The following TGFB1 variants were observed in gnomAD, a reference collection of about 807,000 sequenced individuals.
TGFB1 encodes the protein transforming growth factor beta 1.
TGFB1 carries 19 observed loss-of-function variants against 43.8 expected under a neutral mutation model. That is an observed-to-expected ratio of 0.43 (90% CI 0.30 to 0.64). TGFB1 has a LOEUF of 0.64. Ranked by LOEUF, TGFB1 falls within the 30% of genes least tolerant of loss-of-function variation. The probability of loss-of-function intolerance (pLI) is 0.11; values close to 1 mark genes in which losing one functional copy is unlikely to be tolerated. For synonymous variants in TGFB1, 221 were observed against 236.3 expected, an observed-to-expected ratio of 0.94 and a Z score of 0.60; for missense variants, 445 against 529.8, an observed-to-expected ratio of 0.84 and a Z score of 1.57.
At chr19:41,336,105 C>T (rs2037985777) in intron 5 of TGFB1, among the ~76,000 whole-genome samples, 1 of 149,386 alleles carries the variant, frequency 6.7e-6, no homozygotes, top group Non-Finnish European at 1.5e-5. Context: ...AAGCAATTCT[C>T]CTGGCTCAGC....
chr19:41,349,581 AC>A (rs1242148772), intron 1 of TGFB1, among the ~76,000 whole-genome samples: 1 of 151,958 alleles, frequency 6.6e-6, no homozygotes, highest in Admixed American at 6.6e-5. Flanking sequence ...ACATGGTGAA[AC>A]CCCGTTTCTA....
chr19:41,344,579 A>G (rs1206106710), intron 3 of TGFB1, among the ~76,000 whole-genome samples, 168 bp downstream of exon 3: 2 of 152,186 alleles, frequency 1.3e-5, no homozygotes, highest in African/African-American at 4.8e-5. Context: ...GGTGCTCAGG[A>G]AACAGATTAG....
chr19:41,332,877 AT>A (rs1184177706), intron 5 of TGFB1, among the ~76,000 whole-genome samples: 4 of 151,828 alleles, frequency 2.6e-5, no homozygotes, highest in East Asian at 1.9e-4. Flanking sequence ...TCTCTACAAA[AT>A]TTTTTTTCAA....
intron 5 of TGFB1, 118 bp downstream of exon 5, chr19:41,341,765 G>A: frequency 7.4e-7 from 1 of 1,351,470 alleles, no homozygotes; most frequent in Non-Finnish European, 1.0e-6. Context: ...CAAGCTAAAG[G>A]AGACAGATGC....
At chr19:41,340,344 C>T (rs1397753787) in intron 5 of TGFB1, among the ~76,000 whole-genome samples, 4 of 151,272 alleles carry the variant, frequency 2.6e-5, no homozygotes, top group East Asian at 3.9e-4. Context: ...GCAACCTCCA[C>T]CCCCGAGGTT....
chr19:41,336,466 C>T (rs970286715), intron 5 of TGFB1, among the ~76,000 whole-genome samples: 1 of 151,726 alleles, frequency 6.6e-6, no homozygotes, highest in African/African-American at 2.4e-5. Context: ...CTCACTGTGG[C>T]CTCCAGCTCC....
chr19:41,332,101 T>C, intron 6 of TGFB1, 27 bp downstream of exon 6: 4 of 1,600,416 alleles, frequency 2.5e-6, no homozygotes, highest in Non-Finnish European at 3.4e-6. Flanking sequence ...CCCAAGCGCA[T>C]CTCGTAGCCC....
chr19:41,338,198 A>G (rs2038010266), intron 5 of TGFB1, among the ~76,000 whole-genome samples: 1 of 151,506 alleles, frequency 6.6e-6, no homozygotes, highest in Non-Finnish European at 1.5e-5. Context: ...TCTCAAAAAA[A>G]AAAACAAAGA....
Position 41,344,795 on chromosome 19 carries a change from A to T in TGFB1, c.586T>A (p.Leu196Ile), listed in dbSNP as rs1372870425. The T allele has an allele frequency of 6.2e-7, 1 of 1,613,594 alleles. No homozygotes were observed. The highest frequency in any genetic ancestry group is 8.5e-7 in the Non-Finnish European group (1 of 1,179,876). ...LLAPSDSPEW[L>I]SFDVTGVVRQ... ...ACAACTCCGGTGACATCAAAAGATA[A>T]CCACTCTGGCGAGTCGCTGGGTGCC... Residue 196 changes from leucine (L) to isoleucine (I), a missense_variant, in exon 3 of 7, where the codon TTA becomes ATA. Leu to Ile is a conservative substitution (Grantham distance 5). Coordinates refer to ENST00000221930, the MANE Select transcript of TGFB1 (RefSeq NM_000660.7).
At chr19:41,348,216 C>G in intron 2 of TGFB1, 79 bp downstream of exon 2, 1 of 1,564,950 alleles carries the variant, frequency 6.4e-7, no homozygotes, top group South Asian at 1.1e-5. Flanking sequence ...TGTAACCAGC[C>G]GACCCACAGC....
rs2241717 is a variant in TGFB1, at chr19:41,348,147, C to A, written c.516+148G>T. The A allele has an allele frequency of 0.55, 402,851 of 732,912 alleles. 120,924 individuals are homozygous for A. The highest frequency in any genetic ancestry group is 0.78 in the African/African-American group (42,602 of 54,726). 45.4% of individuals were successfully genotyped at this position (732,912 alleles called of 1,614,324 possible). ...CACTGTCTCAAAAAAAAAAAAAAAG[C>A]GTTCTAGGATTGTATGGTTTGTGTT... On this transcript the variant is annotated intron_variant, in intron 2 of 6. Transcript: ENST00000221930.
At chr19:41,349,747 ACT>A (rs1240483057) in intron 1 of TGFB1, among the ~76,000 whole-genome samples, 1 of 151,924 alleles carries the variant, frequency 6.6e-6, no homozygotes, top group African/African-American at 2.4e-5. Context: ...ACAGAGTAAG[ACT>A]CTGTCTCAAA....
chr19:41,350,530 A>C (rs2038175960), intron 1 of TGFB1, among the ~76,000 whole-genome samples: 1 of 151,700 alleles, frequency 6.6e-6, no homozygotes, highest in African/African-American at 2.4e-5. Context: ...CTGGTCTCCA[A>C]CTCCTGACCT....
chr19:41,343,242 C>G (rs2038078892), intron 3 of TGFB1, among the ~76,000 whole-genome samples: 1 of 151,604 alleles, frequency 6.6e-6, no homozygotes, highest in Non-Finnish European at 1.5e-5. Context: ...TCAAGCAATT[C>G]TCCTGCCTCA....
chr19:41,334,085 G>C (rs531853337), intron 5 of TGFB1, among the ~76,000 whole-genome samples: 2 of 152,094 alleles, frequency 1.3e-5, no homozygotes, highest in Admixed American at 1.3e-4. Context: ...TCTTAGAACT[G>C]TCAAAGAGGC....
Position 41,353,145 on chromosome 19 carries a change from T to C in TGFB1, c.-101A>G. 7.3e-7 allele frequency: 1 copy of C among 1,375,606 alleles called. No homozygotes were observed. The highest frequency in any genetic ancestry group is 9.5e-7 in the Non-Finnish European group (1 of 1,057,516). 85.2% of individuals were successfully genotyped at this position (1,375,606 alleles called of 1,614,324 possible). A position where few individuals can be genotyped will look rare whatever the true frequency, so the allele number is the denominator to read the frequency against. ...GGGCTGGGGGTCTCCCGGCAAAAGG[T>C]AGGAGGGCCTCGAGGGAAAGCTGAG... On this transcript the variant is annotated 5_prime_UTR_variant, in exon 1 of 7. Transcript: ENST00000221930. The surrounding 1 kb of genome is among the most constrained non-coding windows in gnomAD (Gnocchi z 5.9).
At chr19:41,351,862 G>A (rs563502543) in intron 1 of TGFB1, among the ~76,000 whole-genome samples, 147 of 151,066 alleles carry the variant, frequency 9.7e-4, no homozygotes, top group African/African-American at 3.3e-3. Flanking sequence ...CCTTTCCCAC[G>A]CCTGTCTCCC....
intron 1 of TGFB1, chr19:41,350,868 C>T (rs915790100): frequency 1.3e-5 from 2 of 152,164 alleles, no homozygotes; most frequent in African/African-American, 4.8e-5. Context: ...AAAGGCAGAG[C>T]CTTGGCTGGG....
intron 5 of TGFB1, among the ~76,000 whole-genome samples, chr19:41,337,908 T>C (rs2038005548): frequency 6.6e-6 from 1 of 152,200 alleles, no homozygotes; most frequent in South Asian, 2.1e-4. Flanking sequence ...AATGCAGGCA[T>C]AGGCCGGGAG....
Sources: allele counts gnomAD v4.1 joint callset (sites outside exome capture counted in the v4.1 genomes callset), GRCh38; gene constraint gnomAD v4.1.1; non-coding constraint Gnocchi (gnomAD v3.1); transcripts MANE v1.5; gene names NCBI Gene and HGNC (gene_info 2026-07-23, HGNC 2026-07-21).